SAMTOR: variants seen among roughly 807,000 people sequenced by gnomAD.
SAMTOR encodes the protein S-adenosylmethionine sensor upstream of mTORC1, also known as UPF0532 protein C7orf60.
chr7:112,867,484 A>G, the SAMTOR span, among the ~76,000 whole-genome samples: 1 of 152,192 alleles, frequency 6.6e-6, no homozygotes, highest in African/African-American at 2.4e-5. Flanking sequence ...TACTCTTATA[A>G]AAATTTTCAG....
chr7:112,939,822 G>A, the SAMTOR span: 2 of 1,239,562 alleles, frequency 1.6e-6, no homozygotes, highest in Admixed American at 2.3e-5. Flanking sequence ...AGGTGGGGTA[G>A]GAGGAGGGAG....
At chr7:112,836,069 T>C in the SAMTOR span, among the ~76,000 whole-genome samples, 1 of 152,158 alleles carries the variant, frequency 6.6e-6, no homozygotes, top group Non-Finnish European at 1.5e-5. Flanking sequence ...CTACACTGCT[T>C]TCCACAATGG....
chr7:112,896,158 G>T, the SAMTOR span, among the ~76,000 whole-genome samples: 1,644 of 152,240 alleles, frequency 0.011, 30 homozygotes, highest in African/African-American at 0.037. Flanking sequence ...AGGTCCCTCT[G>T]GGTTTATGAT....
chr7:112,916,403 A>T, the SAMTOR span, among the ~76,000 whole-genome samples: 1 of 152,210 alleles, frequency 6.6e-6, no homozygotes, highest in African/African-American at 2.4e-5. Flanking sequence ...CCCATAAGGA[A>T]ATGTAGGCCA....
At chr7:112,900,320 A>G in the SAMTOR span, among the ~76,000 whole-genome samples, 1 of 152,178 alleles carries the variant, frequency 6.6e-6, no homozygotes, top group African/African-American at 2.4e-5. Context: ...ACCATTTTAT[A>G]AGTTGTAGTC....
At chr7:112,883,778 A>C in the SAMTOR span, among the ~76,000 whole-genome samples, 1 of 152,182 alleles carries the variant, frequency 6.6e-6, no homozygotes, top group East Asian at 1.9e-4. Context: ...CGCAGAATGC[A>C]TTTTACTTTT....
At chr7:112,880,432 GGTAA>G in the SAMTOR span, among the ~76,000 whole-genome samples, 6 of 152,010 alleles carry the variant, frequency 3.9e-5, no homozygotes, top group Non-Finnish European at 5.9e-5. Flanking sequence ...CTAAAAATTA[GGTAA>G]GTAACTGTAA....
the SAMTOR span, among the ~76,000 whole-genome samples, chr7:112,829,932 T>C: frequency 1.3e-5 from 2 of 152,180 alleles, no homozygotes; most frequent in Admixed American, 1.3e-4. Flanking sequence ...TAGTCTCATG[T>C]AGTTTTCTCA....
chr7:112,930,106 C>T, the SAMTOR span, among the ~76,000 whole-genome samples: 1 of 152,196 alleles, frequency 6.6e-6, no homozygotes, highest in African/African-American at 2.4e-5. Flanking sequence ...CTGTAGATGA[C>T]AAGACTACCA....
chr7:112,877,315 G>A, the SAMTOR span, among the ~76,000 whole-genome samples: 1 of 152,226 alleles, frequency 6.6e-6, no homozygotes. Context: ...TCTAAGAAAA[G>A]TTAGAATAAA....
the SAMTOR span, among the ~76,000 whole-genome samples, chr7:112,850,721 G>A: frequency 6.6e-6 from 1 of 152,158 alleles, no homozygotes; most frequent in Non-Finnish European, 1.5e-5. Flanking sequence ...CATCTCTGAT[G>A]ATTTTTTGTA....
chr7:112,925,298 A>G, the SAMTOR span, among the ~76,000 whole-genome samples: 1 of 152,244 alleles, frequency 6.6e-6, no homozygotes, highest in Non-Finnish European at 1.5e-5. Context: ...GTGAATCATC[A>G]AGTCTAGAAG....
the SAMTOR span, among the ~76,000 whole-genome samples, chr7:112,893,897 G>A: frequency 2.6e-5 from 4 of 152,180 alleles, no homozygotes; most frequent in African/African-American, 4.8e-5. Context: ...GCGAGACTCC[G>A]TCTCAAAAAT....
the SAMTOR span, among the ~76,000 whole-genome samples, chr7:112,877,148 A>T: frequency 6.6e-6 from 1 of 152,184 alleles, no homozygotes; most frequent in South Asian, 2.1e-4. Context: ...TGTTAACAGC[A>T]CATGCTTGCT....
the SAMTOR span, among the ~76,000 whole-genome samples, chr7:112,860,293 CTGT>C: frequency 6.6e-6 from 1 of 152,150 alleles, no homozygotes; most frequent in Non-Finnish European, 1.5e-5. Flanking sequence ...GAATGCATCC[CTGT>C]TGTTAAGTGA....
chr7:112,875,244 A>G, the SAMTOR span, among the ~76,000 whole-genome samples: 3 of 152,084 alleles, frequency 2.0e-5, no homozygotes, highest in African/African-American at 7.2e-5. Flanking sequence ...AATTCCCTTG[A>G]TCTTTAGTTG....
the SAMTOR span, among the ~76,000 whole-genome samples, chr7:112,893,128 C>T: frequency 5.9e-5 from 9 of 152,174 alleles, no homozygotes; most frequent in African/African-American, 9.7e-5. Flanking sequence ...CTGGCTTCAA[C>T]GTAAAGTCAC....
the SAMTOR span, among the ~76,000 whole-genome samples, chr7:112,849,547 CAG>C: frequency 1.3e-5 from 2 of 152,268 alleles, no homozygotes; most frequent in Non-Finnish European, 2.9e-5. Flanking sequence ...CATCAGCAAA[CAG>C]AGAAAATTTG....
chr7:112,929,574 C>CCAAAA, the SAMTOR span, among the ~76,000 whole-genome samples: 1 of 151,986 alleles, frequency 6.6e-6, no homozygotes, highest in East Asian at 1.9e-4. Context: ...AGCAATCCCA[C>CCAAAA]TATGGGTATT....
Sources: gnomAD v4.1 joint callset for allele counts (sites outside exome capture counted in the v4.1 genomes callset) on GRCh38, gnomAD v4.1.1 for gene constraint, MANE v1.5 for transcripts, NCBI Gene and HGNC (gene_info 2026-07-23, HGNC 2026-07-21) for gene names.